The following TRPA1 variants were observed in gnomAD, a reference collection of about 807,000 sequenced individuals.
TRPA1 encodes the protein transient receptor potential cation channel subfamily A member 1.
Under a neutral mutation model 131.3 loss-of-function variants are expected in TRPA1, and 129 were observed. The ratio of observed to expected loss-of-function variants is 0.98; its 90% CI spans 0.85 to 1.14. The LOEUF (loss-of-function observed/expected upper bound fraction) is 1.14, where lower values mean the gene tolerates loss of function less well. Ranked by LOEUF, TRPA1 falls within the 50% of genes most tolerant of loss-of-function variation. The pLI is 0.00. For missense variants in TRPA1, 1,304 were observed against 1,354.2 expected (o/e 0.96, Z 0.58); for synonymous variants, 441 against 451.7 (o/e 0.98, Z 0.30).
At chr8:72,052,413 C>T (rs979549231) in intron 14 of TRPA1, 186 bp downstream of exon 14, 13 of 584,422 alleles carry the variant, frequency 2.2e-5, no homozygotes, top group African/African-American at 2.1e-4. Flanking sequence ...CAGAGCTAGA[C>T]CTTTTCTAAA....
chr8:72,025,887 T>A, intron 25 of TRPA1, 73 bp downstream of exon 25: 1 of 1,323,318 alleles, frequency 7.6e-7, no homozygotes, highest in South Asian at 1.2e-5. Flanking sequence ...AAGGGCCCCC[T>A]TAGGGTTAAC....
At chr8:72,077,678 T>C (rs2129437288), upstream of TRPA1, among the ~76,000 whole-genome samples, 1 of 152,294 alleles carries the variant, frequency 6.6e-6, no homozygotes, top group Non-Finnish European at 1.5e-5. Context: ...TCTTAATCAT[T>C]AAATTATTTC....
the TRPA1 span, among the ~76,000 whole-genome samples, chr8:72,085,665 G>T: frequency 6.6e-6 from 1 of 151,600 alleles, no homozygotes; most frequent in Admixed American, 6.6e-5. Context: ...TAGATGTGTT[G>T]CATGCAAGCA....
At chr8:72,072,321 A>G (rs1273126308) in intron 1 of TRPA1, among the ~76,000 whole-genome samples, 1 of 152,232 alleles carries the variant, frequency 6.6e-6, no homozygotes, top group Non-Finnish European at 1.5e-5. Context: ...GTATTAAGGT[A>G]TTTAATGTAT....
At chr8:72,044,100 T>C (rs1164852485) in intron 17 of TRPA1, among the ~76,000 whole-genome samples, 1 of 151,686 alleles carries the variant, frequency 6.6e-6, no homozygotes. Flanking sequence ...AATTGAGATA[T>C]ATTTATATAC....
intron 24 of TRPA1, 131 bp downstream of exon 24, chr8:72,029,770 C>T (rs1164391155): frequency 3.3e-6 from 3 of 912,120 alleles, no homozygotes; most frequent in South Asian, 1.4e-5. Flanking sequence ...ACATACTTTA[C>T]AGTGTAAGTA....
intron 17 of TRPA1, among the ~76,000 whole-genome samples, chr8:72,040,732 T>C (rs766935089): frequency 2.6e-5 from 4 of 152,032 alleles, no homozygotes; most frequent in Admixed American, 2.0e-4. Flanking sequence ...CCAGAGAAGA[T>C]AGAGTGTCAA....
intron 25 of TRPA1, among the ~76,000 whole-genome samples, chr8:72,025,652 C>T (rs1049189554): frequency 1.3e-5 from 2 of 152,070 alleles, no homozygotes; most frequent in Non-Finnish European, 2.9e-5. Context: ...TAAAGTATAC[C>T]TGTACTGTAA....
At chr8:72,077,295 G>C (rs866203624), upstream of TRPA1, among the ~76,000 whole-genome samples, 2 of 147,098 alleles carry the variant, frequency 1.4e-5, no homozygotes, top group African/African-American at 2.5e-5. Flanking sequence ...AGGGGTGGGG[G>C]GGGGGGCAGC....
chr8:72,071,686 A>G (rs1806063874), intron 2 of TRPA1, 25 bp downstream of exon 2: 3 of 1,612,164 alleles, frequency 1.9e-6, no homozygotes, highest in Non-Finnish European at 2.5e-6. Flanking sequence ...TGATTTCTGG[A>G]AGATGAATTG....
Position 72,022,641 on chromosome 8 carries a change from C to T in TRPA1, c.*265G>A. ...ATGTGTGTTCTAGCAAATTCATTTT[C>T]TACCCATTCAAATAATGAGATTATA... On this transcript the variant is annotated 3_prime_UTR_variant, in exon 27 of 27. Coordinates refer to ENST00000262209, the MANE Select transcript of TRPA1 (RefSeq NM_007332.3). The T allele has an allele frequency of 1.9e-6, 1 of 526,674 alleles. No individual in the cohort carries two copies. Among genetic ancestry groups the T allele is most frequent in the Non-Finnish European group, 3.4e-6 (1 of 291,732 alleles). The allele number at this position is 526,674 out of a possible 1,614,324, so 32.6% of individuals were successfully genotyped here.
intron 15 of TRPA1, among the ~76,000 whole-genome samples, chr8:72,048,784 T>C (rs1448903220): frequency 9.2e-5 from 14 of 152,154 alleles, no homozygotes; most frequent in Non-Finnish European, 1.8e-4. Flanking sequence ...CTAGAAAATA[T>C]AGTAGCATAA....
the TRPA1 span, among the ~76,000 whole-genome samples, chr8:72,084,279 GT>G: frequency 1.3e-5 from 2 of 151,760 alleles, no homozygotes; most frequent in Non-Finnish European, 2.9e-5. Flanking sequence ...TCAATTTTTA[GT>G]TTCCTTGAAA....
upstream of TRPA1, among the ~76,000 whole-genome samples, chr8:72,076,251 C>A (rs572835011): frequency 4.6e-5 from 7 of 152,204 alleles, no homozygotes; most frequent in East Asian, 1.4e-3. Flanking sequence ...AAACGTAAGC[C>A]ACTGCTGACT....
chr8:72,072,030 G>A (rs1806074923), intron 1 of TRPA1, among the ~76,000 whole-genome samples, 163 bp from the exon 2 acceptor site: 2 of 152,230 alleles, frequency 1.3e-5, no homozygotes, highest in African/African-American at 4.8e-5. Flanking sequence ...CGGACACAAA[G>A]AAGGTTTGAG....
Position 72,021,355 on chromosome 8 carries a change from A to G in TRPA1, c.*1551T>C, listed in dbSNP as rs1044162727. The G allele has an allele frequency of 2.6e-5, 4 of 152,180 alleles. No homozygotes were observed. The highest frequency in any genetic ancestry group is 9.7e-5 in the African/African-American group (4 of 41,450). The allele number at this position is 152,180 out of a possible 1,614,324, so 9.4% of individuals were successfully genotyped here. Reference sequence around the variant, plus strand: ...TGTTGACTGAGATCTATATTGTGCAATGCTACACAAGGTTTGAGGAGAGGG... The same window carrying G: ...TGTTGACTGAGATCTATATTGTGCAGTGCTACACAAGGTTTGAGGAGAGGG... On this transcript the variant is annotated 3_prime_UTR_variant, in exon 27 of 27. Transcript: ENST00000262209.
intron 17 of TRPA1, among the ~76,000 whole-genome samples, chr8:72,040,008 G>C (rs1408224845): frequency 6.6e-6 from 1 of 152,064 alleles, no homozygotes; most frequent in Non-Finnish European, 1.5e-5. Flanking sequence ...GTTTGATTCA[G>C]TCTGTTTCTT....
At chr8:72,039,434 G>GTCT (rs1385136305) in intron 18 of TRPA1, among the ~76,000 whole-genome samples, 1 of 151,838 alleles carries the variant, frequency 6.6e-6, no homozygotes, top group African/African-American at 2.4e-5. Flanking sequence ...GCTTCTTCAT[G>GTCT]TCTTATATAA....
At chr8:72,023,946 A>G (rs1392175437) in intron 25 of TRPA1, 35 bp from the exon 26 acceptor site, 9 of 1,410,806 alleles carry the variant, frequency 6.4e-6, no homozygotes, top group Non-Finnish European at 9.0e-6. Context: ...CTCAAATTGA[A>G]TTCAATTCAG....
Sources: gnomAD v4.1 joint callset for allele counts (sites outside exome capture counted in the v4.1 genomes callset) on GRCh38, gnomAD v4.1.1 for gene constraint, MANE v1.5 for transcripts, NCBI Gene and HGNC (gene_info 2026-07-23, HGNC 2026-07-21) for gene names.